The following XKR3 variants were observed in gnomAD, a reference collection of about 807,000 sequenced individuals.
The protein encoded by XKR3 is XK-related protein 3.
Under a neutral mutation model 40.3 loss-of-function variants are expected in XKR3, and 27 were observed. That is an observed-to-expected ratio of 0.67 (90% CI 0.49 to 0.92). The LOEUF (loss-of-function observed/expected upper bound fraction) is 0.92. XKR3 is among the 40% of genes least tolerant of loss of function. The pLI is 0.00. For missense variants in XKR3, 472 were observed against 537.6 expected (o/e 0.88, Z 1.21); for synonymous variants, 193 against 195.4 (o/e 0.99, Z 0.10).
chr22:16,818,724 G>A (rs1369206495), intron 1 of XKR3, among the ~76,000 whole-genome samples: 1 of 152,112 alleles, frequency 6.6e-6, no homozygotes, highest in African/African-American at 2.4e-5. Context: ...AGCTAAAACA[G>A]AGGACAGCAT....
chr22:16,789,761 G>T (rs2060106018), intron 3 of XKR3, among the ~76,000 whole-genome samples: 1 of 152,102 alleles, frequency 6.6e-6, no homozygotes, highest in Admixed American at 6.6e-5. Context: ...AACCCATAAA[G>T]CTGGAGGCAT....
intron 3 of XKR3, among the ~76,000 whole-genome samples, chr22:16,789,964 C>CA (rs2060107113): frequency 6.6e-6 from 1 of 152,038 alleles, no homozygotes; most frequent in African/African-American, 2.4e-5. Context: ...TTACTACATA[C>CA]AAAAAATAAC....
chr22:16,807,167 G>GA (rs1335867069), intron 2 of XKR3, among the ~76,000 whole-genome samples: 1 of 152,124 alleles, frequency 6.6e-6, no homozygotes, highest in African/African-American at 2.4e-5. Flanking sequence ...TTAGAACTAT[G>GA]AGTAAGACAG....
intron 3 of XKR3, among the ~76,000 whole-genome samples, chr22:16,791,326 AG>A: frequency 6.6e-6 from 1 of 151,950 alleles, no homozygotes; most frequent in Non-Finnish European, 1.5e-5. Flanking sequence ...AAAAAAAAAA[AG>A]ACTCTGTGGA....
At chr22:16,800,049 G>A in intron 2 of XKR3, 25 bp from the exon 3 acceptor site, 1 of 1,604,186 alleles carries the variant, frequency 6.2e-7, no homozygotes, top group Non-Finnish European at 8.5e-7. Context: ...TAACATCCAA[G>A]ATTAACATTT....
chr22:16,804,112 A>T (rs1299174414), intron 2 of XKR3, among the ~76,000 whole-genome samples: 1 of 152,162 alleles, frequency 6.6e-6, no homozygotes, highest in Non-Finnish European at 1.5e-5. Flanking sequence ...AAAATCCAAC[A>T]CATCTCAAAA....
At chr22:16,800,333 C>G (rs2060163591) in intron 2 of XKR3, among the ~76,000 whole-genome samples, 1 of 152,138 alleles carries the variant, frequency 6.6e-6, no homozygotes, top group Admixed American at 6.5e-5. Flanking sequence ...TTCTCAAGGT[C>G]AGTTTGATTA....
At chr22:16,803,766 A>C (rs1256500455) in intron 2 of XKR3, among the ~76,000 whole-genome samples, 1 of 152,220 alleles carries the variant, frequency 6.6e-6, no homozygotes, top group Non-Finnish European at 1.5e-5. Flanking sequence ...TATAAGGGCT[A>C]AAAAGGGGAG....
In XKR3 at chr22:16,795,730, G is replaced by A. The variant is rs779499214; in HGVS notation, c.589+4041C>T. ...CTCTGTAATCCCAGTACTTTCAGAGGTTGACATGGGAGGATTACTTGAGGT... is the reference window on the plus strand; with the variant it reads ...CTCTGTAATCCCAGTACTTTCAGAGATTGACATGGGAGGATTACTTGAGGT... On this transcript the variant is annotated intron_variant, in intron 3 of 3. Coordinates refer to ENST00000684488, the MANE Select transcript of XKR3 (RefSeq NM_001386955.1). Among the ~76,000 whole-genome samples, 1,215 of 152,216 alleles carry A rather than the reference G, an allele frequency of 8.0e-3. 13 individuals are homozygous for A. Among genetic ancestry groups the A allele is most frequent in the Non-Finnish European group, 7.4e-3 (501 of 68,012 alleles).
chr22:16,799,819 A>T lies in XKR3; in HGVS notation c.541T>A (p.Leu181Met). ...ATAGTGAGACTGATATACATCTGCA[A>T]AATTAATTGTGGAACAGAACCGAGA... ...AFLGSVPQLILQMYISLTIRE... is the reference protein window; with the variant it reads ...AFLGSVPQLIMQMYISLTIRE... The change falls in exon 3 of 4, where the codon TTG becomes ATG. Residue 181 changes from leucine to methionine, a missense_variant. Transcript: ENST00000684488. 1.2e-6 allele frequency: 2 copies of T among 1,614,144 alleles called. No homozygotes were observed. The highest frequency in any genetic ancestry group is 1.7e-6 in the Non-Finnish European group (2 of 1,179,994).
In XKR3 at chr22:16,784,303, C is replaced by T. The variant is rs1273847434; in HGVS notation, c.696G>A (p.Pro232=). 11 of 1,614,136 alleles carry T rather than the reference C, an allele frequency of 6.8e-6. No individual in the cohort carries two copies. Among genetic ancestry groups the T allele is most frequent in the South Asian group, 3.3e-5 (3 of 91,078 alleles). ...SNDDTTIKLP[P]IEFFCVVMWR... is the part of the protein sequence containing the mutation. ...ACATCACGACACAGAAGAATTCTATCGGCGGTAGCTTAATGGTAGTATCAT... is the reference window on the plus strand; with the variant it reads ...ACATCACGACACAGAAGAATTCTATTGGCGGTAGCTTAATGGTAGTATCAT... The change falls in exon 4 of 4, where the codon CCG becomes CCA. Residue 232 remains proline, a synonymous_variant. Coordinates refer to ENST00000684488, the MANE Select transcript of XKR3 (RefSeq NM_001386955.1).
At position 16,786,078 on chromosome 22, in the gene XKR3, G is replaced by A. The variant is rs1427318472; in HGVS notation, c.590-1669C>T. Among the ~76,000 whole-genome samples, 4 of 152,062 alleles carry A rather than the reference G, an allele frequency of 2.6e-5. No homozygotes were observed. The East Asian group carries it at 5.8e-4, about 22-fold the overall frequency. On this transcript the variant is annotated intron_variant, in intron 3 of 3. Transcript: ENST00000684488. ...CATTGTAACTGCATTTATGAGAAAT[G>A]AGACTGAATATAATAAATGACCTAA...
intron 1 of XKR3, among the ~76,000 whole-genome samples, chr22:16,815,678 T>G (rs2060230335): frequency 2.6e-5 from 4 of 151,938 alleles, no homozygotes; most frequent in Admixed American, 2.6e-4. Flanking sequence ...TATATACATA[T>G]AAAAGGATTG....
chr22:16,803,330 C>T (rs994033061), intron 2 of XKR3, among the ~76,000 whole-genome samples: 31 of 152,084 alleles, frequency 2.0e-4, no homozygotes, highest in African/African-American at 7.0e-4. Context: ...GAAAGCCACA[C>T]TCAGCGACAT....
chr22:16,807,057 A>T (rs1440339191), intron 2 of XKR3, among the ~76,000 whole-genome samples: 1 of 152,186 alleles, frequency 6.6e-6, no homozygotes, highest in East Asian at 1.9e-4. Context: ...CACACAGAAA[A>T]ATAAACTTGA....
In XKR3 at chr22:16,799,899, C is replaced by T. The variant is rs1427450445; in HGVS notation, c.461G>A (p.Arg154Gln). The change falls in exon 3 of 4, where the codon CGG becomes CAG. Residue 154 changes from arginine to glutamine, a missense_variant. Physicochemically the swap from Arg to Gln is conservative, Grantham distance 43. Transcript: ENST00000684488. The stretch of plus-strand genomic sequence containing the variant: ...AGCCTTCTGCTGCATGAAATTATCC[C>T]GGATTGAGAATGCAATCTCCCTTTC... ...MLEREIAFSI[R>Q]DNFMQQKAFK... The T allele has an allele frequency of 1.9e-5, 30 of 1,613,936 alleles. No individual in the cohort carries two copies. The highest frequency in any genetic ancestry group is 2.4e-5 in the Non-Finnish European group (28 of 1,180,006).
chr22:16,796,343 A>G (rs1375601062), intron 3 of XKR3, among the ~76,000 whole-genome samples: 1 of 152,164 alleles, frequency 6.6e-6, no homozygotes, highest in Admixed American at 6.5e-5. Context: ...TTCCCATCTC[A>G]TTCAATGAGC....
chr22:16,816,839 A>G (rs1301925496), intron 1 of XKR3, among the ~76,000 whole-genome samples: 7 of 151,972 alleles, frequency 4.6e-5, no homozygotes, highest in Non-Finnish European at 1.5e-5. Flanking sequence ...ATGTATGGTC[A>G]TCAGATATAA....
rs757984627 is a variant in XKR3 at position 16,791,354 on chromosome 22, ATG to A, written c.590-6947_590-6946del. ...CTCTGTGGATATAGAGAGTGAAACAATGGTTACCAGAGACTAGAGTGGTTATA... is the reference window on the plus strand; with the variant it reads ...CTCTGTGGATATAGAGAGTGAAACAAGTTACCAGAGACTAGAGTGGTTATA... On this transcript the variant is annotated intron_variant, in intron 3 of 3. Coordinates refer to ENST00000684488, the MANE Select transcript of XKR3 (RefSeq NM_001386955.1). Among the ~76,000 whole-genome samples the A allele has an allele frequency of 3.4e-4, 52 of 152,142 alleles. No homozygotes were observed. The East Asian group carries it at 8.9e-3, about 26-fold the overall frequency.
Sources: allele counts gnomAD v4.1 joint callset (sites outside exome capture counted in the v4.1 genomes callset), GRCh38; gene constraint gnomAD v4.1.1; transcripts MANE v1.5; gene names NCBI Gene and HGNC (gene_info 2026-07-23, HGNC 2026-07-21).